RAMP1: variants seen among roughly 807,000 people sequenced by gnomAD.
RAMP1 encodes the protein receptor activity-modifying protein 1.
In RAMP1, 7 loss-of-function variants were observed where a neutral mutation model predicts 8.2. The ratio of observed to expected loss-of-function variants is 0.85; its 90% CI spans 0.49 to 1.60. The LOEUF is 1.60. Ranked by LOEUF, RAMP1 falls within the 40% of genes most tolerant of loss-of-function variation. The pLI is 0.00. For synonymous variants in RAMP1, 92 were observed against 84.7 expected (o/e 1.09, Z -0.47); for missense variants, 192 against 202.4 (o/e 0.95, Z 0.31).
At chr2:237,879,253 T>G (rs1256057215) in intron 2 of RAMP1, among the ~76,000 whole-genome samples, 2 of 151,002 alleles carry the variant, frequency 1.3e-5, no homozygotes, top group Non-Finnish European at 3.0e-5. Context: ...TTGTGTAGAT[T>G]GATTGTGAAC....
At chr2:237,860,456 G>A (rs3769051) in intron 1 of RAMP1, among the ~76,000 whole-genome samples, 3,811 of 152,250 alleles carry the variant, frequency 0.025, 223 homozygotes, top group East Asian at 0.23. Flanking sequence ...GGAGATTAGC[G>A]GCAGCCTCAT....
chr2:237,866,974 G>A (rs796988835), intron 1 of RAMP1, among the ~76,000 whole-genome samples: 2 of 152,236 alleles, frequency 1.3e-5, no homozygotes, highest in African/African-American at 4.8e-5. Context: ...AGTGATCCAT[G>A]CATCTTGGCT....
Position 237,877,312 on chromosome 2 carries a change from C to G in RAMP1, c.141C>G (p.Asp47Glu). 1 of 1,614,038 alleles carries G rather than the reference C, an allele frequency of 6.2e-7. No homozygotes were observed. Among genetic ancestry groups the G allele is most frequent in the Non-Finnish European group, 8.5e-7 (1 of 1,180,022 alleles). ...RELCLTQFQV[D>E]MEAVGETLWC... Reference sequence around the variant, plus strand: ...TCTGCCTCACCCAGTTCCAGGTAGACATGGAGGCCGTCGGGGAGACGCTGT... The same window carrying G: ...TCTGCCTCACCCAGTTCCAGGTAGAGATGGAGGCCGTCGGGGAGACGCTGT... Residue 47 changes from aspartate to glutamate, a missense_variant, in exon 2 of 3, where the codon GAC becomes GAG. Transcript: ENST00000254661. This position sits in a 1 kb window ranked among gnomAD's most constrained non-coding sequence, Gnocchi z 4.4.
intron 2 of RAMP1, among the ~76,000 whole-genome samples, chr2:237,885,805 C>T (rs981517043): frequency 3.3e-5 from 5 of 152,180 alleles, no homozygotes; most frequent in African/African-American, 1.2e-4. Flanking sequence ...CCACCCTCTG[C>T]CCCCCCTGGG....
chr2:237,893,910 AGC>A (rs1559948726), intron 2 of RAMP1, among the ~76,000 whole-genome samples: 1 of 151,726 alleles, frequency 6.6e-6, no homozygotes, highest in Non-Finnish European at 1.5e-5. Context: ...ACTGCACTCC[AGC>A]CTGGGCAACA....
At chr2:237,899,587 A>G (rs943957103) in intron 2 of RAMP1, among the ~76,000 whole-genome samples, 9 of 152,366 alleles carry the variant, frequency 5.9e-5, no homozygotes, top group Non-Finnish European at 8.8e-5. Context: ...TAAATAAAAT[A>G]TGCTATGTGG....
intron 2 of RAMP1, among the ~76,000 whole-genome samples, chr2:237,888,696 C>A (rs1418980190): frequency 6.6e-6 from 1 of 152,106 alleles, no homozygotes; most frequent in Non-Finnish European, 1.5e-5. Context: ...AGGTTCACAG[C>A]AAAATTGAGA....
At position 237,892,276 on chromosome 2, in the gene RAMP1, C is replaced by CT. The variant is rs201847138; in HGVS notation, c.191+14934dup. ...CCATGTGTTTTTTCTTTCTTTCTTT[C>CT]TTTTTTTTTTTTTTTTTTTTGAGAC... On this transcript the variant is annotated intron_variant, in intron 2 of 2. Coordinates refer to ENST00000254661, the MANE Select transcript of RAMP1 (RefSeq NM_005855.4). 4.5e-3 allele frequency among the ~76,000 whole-genome samples: 604 copies of CT among 134,376 alleles called. 7 individuals carry two copies. Among genetic ancestry groups the CT allele is most frequent in the South Asian group, 9.6e-3 (41 of 4,258 alleles). The allele number at this position is 134,376 out of a possible 152,430, so 88.2% of individuals were successfully genotyped here.
chr2:237,900,191 G>A (rs2062583672), intron 2 of RAMP1, among the ~76,000 whole-genome samples: 1 of 151,910 alleles, frequency 6.6e-6, no homozygotes, highest in South Asian at 2.1e-4. Context: ...ACAGTGTCTG[G>A]CTCTGTCGCC....
intron 1 of RAMP1, among the ~76,000 whole-genome samples, chr2:237,873,923 G>T (rs913429836): frequency 6.6e-6 from 1 of 152,220 alleles, no homozygotes; most frequent in Non-Finnish European, 1.5e-5. Context: ...CCCAGCTGTG[G>T]GACTCTGGGC....
chr2:237,859,903 G>A lies in RAMP1; in HGVS notation c.52+176G>A, dbSNP rs2062115790. 5 of 561,230 alleles carry A rather than the reference G, an allele frequency of 8.9e-6. No homozygotes were observed. In the South Asian group the frequency reaches 1.6e-4, roughly 17 times the overall value. The allele number at this position is 561,230 out of a possible 1,614,324, so 34.8% of individuals were successfully genotyped here. A position where few individuals can be genotyped will look rare whatever the true frequency, so the allele number is the denominator to read the frequency against. ...CCCCGGTTCCAGGCGGGAGGCCCCA[G>A]GGCACAGGGGAGGCGGAGGGCGCGG... On this transcript the variant is annotated intron_variant, in intron 1 of 2. Coordinates refer to ENST00000254661, the MANE Select transcript of RAMP1 (RefSeq NM_005855.4).
At chr2:237,864,439 T>C (rs1375693683) in intron 1 of RAMP1, among the ~76,000 whole-genome samples, 2 of 152,194 alleles carry the variant, frequency 1.3e-5, no homozygotes, top group African/African-American at 4.8e-5. Context: ...GGTGGCTCTC[T>C]CTGCAGGGAT....
At position 237,911,960 on chromosome 2, in the gene RAMP1, C is replaced by G; in HGVS notation, c.*177C>G. ...CGAGGCTCTGGTATTAACCTGGAAG[C>G]CCCCCTGGCTGGAGGCCACCGCCAC... On this transcript the variant is annotated 3_prime_UTR_variant, in exon 3 of 3. Transcript: ENST00000254661. 8.8e-7 allele frequency: 1 copy of G among 1,141,262 alleles called. No homozygotes were observed. Among genetic ancestry groups the G allele is most frequent in the Non-Finnish European group, 1.2e-6 (1 of 833,146 alleles). The allele number at this position is 1,141,262 out of a possible 1,614,324, so 70.7% of individuals were successfully genotyped here.
chr2:237,909,138 A>G (rs1383132539), intron 2 of RAMP1, among the ~76,000 whole-genome samples: 2 of 152,114 alleles, frequency 1.3e-5, no homozygotes, highest in South Asian at 4.1e-4. Context: ...CTCAACCCCC[A>G]GTGAGTGCAA....
chr2:237,859,606 C>G (rs1242766485), upstream of RAMP1: 22 of 1,163,148 alleles, frequency 1.9e-5, no homozygotes, highest in African/African-American at 3.4e-4. Context: ...CCTCCGGGCC[C>G]GCGCCGCGGC....
intron 2 of RAMP1, among the ~76,000 whole-genome samples, chr2:237,906,155 G>A (rs543549849): frequency 7.1e-4 from 108 of 152,108 alleles, no homozygotes; most frequent in African/African-American, 2.5e-3. Flanking sequence ...TTTCCCCCAC[G>A]ATGAGACTCA....
Position 237,897,516 on chromosome 2 carries a change from G to A in RAMP1, c.192-14012G>A, listed in dbSNP as rs1044371795. ...CCTCCCAAGATTCTTTCTTTGGTGC[G>A]TTATTCATGTTGTTCCTTTTCCTGC... On this transcript the variant is annotated intron_variant, in intron 2 of 2. Transcript: ENST00000254661. Among the ~76,000 whole-genome samples, 3 of 152,282 alleles carry A rather than the reference G, an allele frequency of 2.0e-5. No homozygotes were observed. The East Asian group carries it at 5.8e-4, about 29-fold the overall frequency.
intron 2 of RAMP1, among the ~76,000 whole-genome samples, chr2:237,901,299 C>T (rs1012821961): frequency 3.9e-5 from 6 of 152,234 alleles, no homozygotes; most frequent in Non-Finnish European, 8.8e-5. Flanking sequence ...ACCCTCCCTG[C>T]CCCGGTGGTG....
At chr2:237,898,272 A>G (rs2062562754) in intron 2 of RAMP1, among the ~76,000 whole-genome samples, 2 of 152,234 alleles carry the variant, frequency 1.3e-5, no homozygotes, top group Admixed American at 6.5e-5. Flanking sequence ...CAGTGATGAC[A>G]CTTATTTCAA....
Sources: gnomAD v4.1 joint callset for allele counts (sites outside exome capture counted in the v4.1 genomes callset) on GRCh38, gnomAD v4.1.1 for gene constraint, Gnocchi (gnomAD v3.1) non-coding constraint, MANE v1.5 for transcripts, NCBI Gene and HGNC (gene_info 2026-07-23, HGNC 2026-07-21) for gene names.